The following INTS6 variants were observed in gnomAD, a reference collection of about 807,000 sequenced individuals.
The protein encoded by INTS6 is integrator complex subunit 6.
Under a neutral mutation model 104.9 loss-of-function variants are expected in INTS6, and 16 were observed. The observed-to-expected ratio is 0.15, with a 90% CI of 0.10 to 0.23. The LOEUF is 0.23. Among genes scored for constraint, INTS6 ranks in the 10% least tolerant of loss-of-function variants. INTS6 has a pLI of 1.00. For missense variants in INTS6, 584 were observed against 1,062.8 expected, an observed-to-expected ratio of 0.55 and a Z score of 6.26; for synonymous variants, 324 against 358.7, an observed-to-expected ratio of 0.90 and a Z score of 1.09.
At chr13:51,451,812 C>G (rs575163866) in intron 2 of INTS6, among the ~76,000 whole-genome samples, 166 bp downstream of exon 2, 1 of 144,202 alleles carries the variant, frequency 6.9e-6, no homozygotes, top group Non-Finnish European at 1.5e-5. Flanking sequence ...AGGACGCTGC[C>G]GAGCGGGGGA....
chr13:51,371,498 T>C (rs1476140954), intron 15 of INTS6, among the ~76,000 whole-genome samples: 2 of 152,128 alleles, frequency 1.3e-5, no homozygotes, highest in Non-Finnish European at 2.9e-5. Flanking sequence ...AATGTCTGAA[T>C]TTCTCTTATT....
At chr13:51,371,125 G>A (rs1955794056) in intron 15 of INTS6, among the ~76,000 whole-genome samples, 1 of 152,168 alleles carries the variant, frequency 6.6e-6, no homozygotes, top group Non-Finnish European at 1.5e-5. Context: ...GCCTCAGACT[G>A]AATAAATGAG....
chr13:51,431,772 C>G (rs1957095149), intron 3 of INTS6, among the ~76,000 whole-genome samples: 2 of 152,026 alleles, frequency 1.3e-5, no homozygotes, highest in African/African-American at 4.8e-5. Context: ...GTTAAATAAA[C>G]TTAAAATATG....
rs1953079354 is a variant in INTS6, at chr13:51,452,325, C to T, written c.111+90G>A. The T allele has an allele frequency of 8.2e-7, 1 of 1,222,114 alleles. No homozygotes were observed. Among genetic ancestry groups the T allele is most frequent in the Non-Finnish European group, 1.0e-6 (1 of 976,278 alleles). The allele number at this position is 1,222,114 out of a possible 1,614,324, so 75.7% of individuals were successfully genotyped here. ...GCCCGGCAGCTCCCGCAGTCAGGTC[C>T]CCGACACCCCCGCCCCGGCCGCCCT... On this transcript the variant is annotated intron_variant, in intron 1 of 17. Transcript: ENST00000311234. The surrounding 1 kb of genome is among the most constrained non-coding windows in gnomAD (Gnocchi z 4.2).
chr13:51,440,717 A>G (rs1366968277), intron 3 of INTS6: 1 of 152,226 alleles, frequency 6.6e-6, no homozygotes, highest in African/African-American at 2.4e-5. Flanking sequence ...GTTACATGCT[A>G]TACAGGTAGA....
Position 51,364,825 on chromosome 13 carries a change from G to A in INTS6, c.*927C>T, listed in dbSNP as rs924981800. On this transcript the variant is annotated 3_prime_UTR_variant, in exon 18 of 18. Transcript: ENST00000311234. ...CTAAAGGCTAGATATTTCAGAGCAT[G>A]TACTGTACTCCAAACCTACCACTCC... 6.6e-6 allele frequency: 1 copy of A among 152,260 alleles called. No homozygotes were observed. The highest frequency in any genetic ancestry group is 1.5e-5 in the Non-Finnish European group (1 of 68,076). 9.4% of individuals were successfully genotyped at this position (152,260 alleles called of 1,614,324 possible).
chr13:51,423,761 T>C (rs1956937623), intron 4 of INTS6, among the ~76,000 whole-genome samples: 2 of 152,130 alleles, frequency 1.3e-5, no homozygotes, highest in Non-Finnish European at 1.5e-5. Context: ...AAAATACTTT[T>C]TGGTGGCCTT....
chr13:51,405,124 G>C (rs938832366), intron 4 of INTS6, among the ~76,000 whole-genome samples: 1 of 152,210 alleles, frequency 6.6e-6, no homozygotes, highest in Non-Finnish European at 1.5e-5. Flanking sequence ...CCTCATGCAA[G>C]TTAGGGAGTA....
downstream of INTS6, among the ~76,000 whole-genome samples, chr13:51,352,659 G>C (rs1414965920): frequency 6.6e-6 from 1 of 151,958 alleles, no homozygotes; most frequent in African/African-American, 2.4e-5. Context: ...TTCTTGTCTT[G>C]TTCCTGATCT....
chr13:51,334,930 C>A, the INTS6 span, among the ~76,000 whole-genome samples: 3,056 of 144,478 alleles, frequency 0.021, 126 homozygotes, highest in African/African-American at 0.075. Flanking sequence ...TTGCAGTGAG[C>A]TGAGATCATG....
In INTS6 at chr13:51,368,817, G is replaced by A. The variant is rs1955742007; in HGVS notation, c.2476+122C>T. ...AATAAAGGATCTTAACTGAGATGTT[G>A]TTCAAGACAGATCTAGAATCATATG... On this transcript the variant is annotated intron_variant, in intron 16 of 17. Coordinates refer to ENST00000311234, the MANE Select transcript of INTS6 (RefSeq NM_012141.3). The A allele has an allele frequency of 2.9e-6, 3 of 1,019,128 alleles. No individual in the cohort carries two copies. The Admixed American group carries it at 7.9e-5, about 27-fold the overall frequency. 63.1% of individuals were successfully genotyped at this position (1,019,128 alleles called of 1,614,324 possible). A position where few individuals can be genotyped will look rare whatever the true frequency, so the allele number is the denominator to read the frequency against.
At chr13:51,348,304 T>C in the INTS6 span, 3 of 1,613,080 alleles carry the variant, frequency 1.9e-6, no homozygotes, top group African/African-American at 4.0e-5. Context: ...TGCTGCCCCG[T>C]GACAAAGACA....
At chr13:51,383,566 T>A (rs1956089455) in intron 8 of INTS6, 23 bp downstream of exon 8, 1 of 1,606,078 alleles carries the variant, frequency 6.2e-7, no homozygotes, top group Non-Finnish European at 8.5e-7. Context: ...AATTTTGGGG[T>A]CACTGTAAGT....
intron 6 of INTS6, among the ~76,000 whole-genome samples, chr13:51,387,884 C>T (rs894039897): frequency 1.3e-5 from 2 of 152,104 alleles, no homozygotes; most frequent in Non-Finnish European, 2.9e-5. Flanking sequence ...GAGCAAGCAC[C>T]CAATTTGCCA....
Position 51,452,357 on chromosome 13 carries a change from C to T in INTS6, c.111+58G>A, listed in dbSNP as rs2138188547. On this transcript the variant is annotated intron_variant, in intron 1 of 17. Transcript: ENST00000311234. The surrounding 1 kb of genome is among the most constrained non-coding windows in gnomAD (Gnocchi z 4.2). Reference sequence around the variant, plus strand: ...CCCCCGCCCCGGCCGCCCTCCCCCACCCTGCCGCCCGCGGGCCGCCGGGCC... The same window carrying T: ...CCCCCGCCCCGGCCGCCCTCCCCCATCCTGCCGCCCGCGGGCCGCCGGGCC... 7.0e-7 allele frequency: 1 copy of T among 1,434,246 alleles called. No homozygotes were observed. The highest frequency in any genetic ancestry group is 9.2e-7 in the Non-Finnish European group (1 of 1,087,192). 88.8% of individuals were successfully genotyped at this position (1,434,246 alleles called of 1,614,324 possible). A position where few individuals can be genotyped will look rare whatever the true frequency, so the allele number is the denominator to read the frequency against.
chr13:51,417,657 G>A (rs1397709806), intron 4 of INTS6, among the ~76,000 whole-genome samples: 4 of 151,760 alleles, frequency 2.6e-5, no homozygotes, highest in East Asian at 1.9e-4. Context: ...GGGTTTCACC[G>A]GGTTGGCCAG....
chr13:51,413,208 T>A (rs1956722695), intron 4 of INTS6, among the ~76,000 whole-genome samples: 1 of 152,178 alleles, frequency 6.6e-6, no homozygotes, highest in Admixed American at 6.5e-5. Flanking sequence ...AAAGTTTTTT[T>A]TTTAAAGGGT....
chr13:51,357,502 A>G (rs540573108), downstream of INTS6, among the ~76,000 whole-genome samples: 19 of 152,264 alleles, frequency 1.2e-4, no homozygotes, highest in African/African-American at 3.9e-4. Context: ...CCACCACAGC[A>G]AACATTTGGC....
At chr13:51,448,747 A>G (rs568494480) in intron 3 of INTS6, 1 of 152,332 alleles carries the variant, frequency 6.6e-6, no homozygotes, top group South Asian at 2.1e-4. Flanking sequence ...TATAAAATAT[A>G]TACGTTCTAT....
Sources: gnomAD v4.1 joint callset for allele counts (sites outside exome capture counted in the v4.1 genomes callset) on GRCh38, gnomAD v4.1.1 for gene constraint, Gnocchi (gnomAD v3.1) non-coding constraint, MANE v1.5 for transcripts, NCBI Gene and HGNC (gene_info 2026-07-23, HGNC 2026-07-21) for gene names.